The following DACH1 variants were observed in gnomAD, a reference collection of about 807,000 sequenced individuals.
DACH1 encodes the protein dachshund family transcription factor 1.
Under a neutral mutation model 54.2 loss-of-function variants are expected in DACH1, and 12 were observed. The observed-to-expected ratio is 0.22, with a 90% CI of 0.14 to 0.36. The LOEUF is 0.36. Among genes scored for constraint, DACH1 ranks in the 10% least tolerant of loss-of-function variants. The pLI is 1.00. For synonymous variants in DACH1, 386 were observed against 366.2 expected (o/e 1.05, Z -0.62); for missense variants, 805 against 929.8 (o/e 0.87, Z 1.75).
intron 1 of DACH1, among the ~76,000 whole-genome samples, chr13:71,822,905 CGTATT>C (rs1888245780): frequency 6.6e-6 from 1 of 151,898 alleles, no homozygotes; most frequent in Non-Finnish European, 1.5e-5. Context: ...CTGAAAATAA[CGTATT>C]ATTAGTAAAG....
At chr13:71,623,875 C>T (rs1876438059) in intron 3 of DACH1, among the ~76,000 whole-genome samples, 1 of 151,804 alleles carries the variant, frequency 6.6e-6, no homozygotes, top group Admixed American at 6.6e-5. Flanking sequence ...TACTTGGTCA[C>T]ACAATAACAT....
intron 1 of DACH1, among the ~76,000 whole-genome samples, chr13:71,857,275 A>T (rs1359354482): frequency 6.6e-6 from 1 of 151,832 alleles, no homozygotes; most frequent in Non-Finnish European, 1.5e-5. Flanking sequence ...ATTTAAGTAT[A>T]AACTACTTCT....
intron 1 of DACH1, among the ~76,000 whole-genome samples, chr13:71,829,991 G>A (rs1376734824): frequency 1.3e-5 from 2 of 151,642 alleles, no homozygotes; most frequent in Non-Finnish European, 2.9e-5. Flanking sequence ...CTTTACCTAG[G>A]GAGAGTGTAA....
intron 10 of DACH1, among the ~76,000 whole-genome samples, chr13:71,442,154 C>T (rs2138095349): frequency 1.3e-5 from 2 of 151,876 alleles, no homozygotes; most frequent in Admixed American, 1.3e-4. Flanking sequence ...TTTTTTTGAA[C>T]CCATTAACTA....
chr13:71,576,089 T>C (rs1469657476), intron 3 of DACH1, among the ~76,000 whole-genome samples: 1 of 152,056 alleles, frequency 6.6e-6, no homozygotes, highest in African/African-American at 2.4e-5. Flanking sequence ...CAAACATATA[T>C]ACACACATAA....
At chr13:71,709,013 C>T (rs1042831862) in intron 1 of DACH1, among the ~76,000 whole-genome samples, 3 of 151,688 alleles carry the variant, frequency 2.0e-5, no homozygotes, top group Non-Finnish European at 4.4e-5. Context: ...CCACCATGCC[C>T]GACTAATTTT....
chr13:71,705,305 A>G (rs1882381020), intron 1 of DACH1, among the ~76,000 whole-genome samples: 1 of 152,222 alleles, frequency 6.6e-6, no homozygotes, highest in Admixed American at 6.5e-5. Flanking sequence ...GGGAAAAAGA[A>G]TAAAGTCCAC....
intron 1 of DACH1, among the ~76,000 whole-genome samples, chr13:71,854,611 A>C (rs1873882422): frequency 6.6e-6 from 1 of 151,460 alleles, no homozygotes; most frequent in Admixed American, 6.6e-5. Flanking sequence ...AAGGTCATAG[A>C]AACTTCATAT....
At chr13:71,499,013 A>G (rs1050704458) in intron 6 of DACH1, among the ~76,000 whole-genome samples, 3 of 152,090 alleles carry the variant, frequency 2.0e-5, no homozygotes, top group African/African-American at 7.2e-5. Context: ...GAACTCGGGT[A>G]TCTGTGTACA....
chr13:71,685,389 T>C (rs1186352727), intron 1 of DACH1, among the ~76,000 whole-genome samples: 5 of 152,180 alleles, frequency 3.3e-5, no homozygotes, highest in Non-Finnish European at 7.3e-5. Flanking sequence ...GGGACTACTT[T>C]CAATTAGGTG....
At chr13:71,811,261 C>G (rs1050352514) in intron 1 of DACH1, among the ~76,000 whole-genome samples, 6 of 151,626 alleles carry the variant, frequency 4.0e-5, no homozygotes, top group African/African-American at 1.2e-4. Flanking sequence ...TTACTGCTCT[C>G]CAGGAAGATC....
At chr13:71,546,232 G>T (rs562633431) in intron 6 of DACH1, among the ~76,000 whole-genome samples, 1 of 152,068 alleles carries the variant, frequency 6.6e-6, no homozygotes, top group East Asian at 1.9e-4. Flanking sequence ...TTGTCAGACT[G>T]ATTTACCTTC....
At chr13:71,517,121 A>G (rs951968720) in intron 6 of DACH1, among the ~76,000 whole-genome samples, 5 of 151,834 alleles carry the variant, frequency 3.3e-5, no homozygotes, top group Admixed American at 1.3e-4. Flanking sequence ...AATTTCTGGT[A>G]GCATGCGCCA....
At chr13:71,542,973 G>A (rs540847977) in intron 6 of DACH1, among the ~76,000 whole-genome samples, 1 of 152,192 alleles carries the variant, frequency 6.6e-6, no homozygotes, top group East Asian at 1.9e-4. Context: ...AAAGATCACA[G>A]CAAAATAAAA....
intron 3 of DACH1, among the ~76,000 whole-genome samples, chr13:71,590,261 A>G (rs1472803251): frequency 6.6e-6 from 1 of 152,154 alleles, no homozygotes; most frequent in Non-Finnish European, 1.5e-5. Context: ...CATGAATCTA[A>G]GAAGAGGGTC....
chr13:71,445,927 G>A (rs893570787), intron 10 of DACH1, among the ~76,000 whole-genome samples: 1 of 152,114 alleles, frequency 6.6e-6, no homozygotes, highest in Non-Finnish European at 1.5e-5. Flanking sequence ...TGCTAGGAAG[G>A]ATATATGGTC....
intron 1 of DACH1, among the ~76,000 whole-genome samples, chr13:71,718,809 C>A (rs959091686): frequency 1.3e-5 from 2 of 152,086 alleles, no homozygotes; most frequent in East Asian, 1.9e-4. Flanking sequence ...CATATTGTTT[C>A]TTTTCCATTT....
rs1023330559 is a variant in DACH1, at chr13:71,734,104, A to G, written c.849-52194T>C. Among the ~76,000 whole-genome samples, 12 of 149,136 alleles carry G rather than the reference A, an allele frequency of 8.0e-5. 1 individual carries two copies. Among genetic ancestry groups the G allele is most frequent in the Admixed American group, 4.6e-4 (7 of 15,076 alleles). ...CACTTGAATATATATGTGTGTGTGT[A>G]TATATATATGTATATGGGATACATA... is the stretch of plus-strand genomic sequence containing the variant. On this transcript the variant is annotated intron_variant, in intron 1 of 10. Transcript: ENST00000613252.
At chr13:71,598,049 C>A (rs1232365036) in intron 3 of DACH1, among the ~76,000 whole-genome samples, 48 of 145,966 alleles carry the variant, frequency 3.3e-4, no homozygotes, top group African/African-American at 1.1e-3. Context: ...CTCTCCACTC[C>A]AGTCTGGGCA....
Sources: gnomAD v4.1 joint callset for allele counts (sites outside exome capture counted in the v4.1 genomes callset) on GRCh38, gnomAD v4.1.1 for gene constraint, MANE v1.5 for transcripts, NCBI Gene and HGNC (gene_info 2026-07-23, HGNC 2026-07-21) for gene names.